Variants in CTNNA3 observed in about 807,000 individuals in gnomAD.
CTNNA3 encodes the protein catenin alpha 3.
CTNNA3 carries 76 observed loss-of-function variants against 95.7 expected under a neutral mutation model. The ratio of observed to expected loss-of-function variants is 0.79; its 90% CI spans 0.66 to 0.96. The LOEUF (loss-of-function observed/expected upper bound fraction) is 0.96. Among genes scored for constraint, CTNNA3 ranks in the 40% least tolerant of loss-of-function variants. The pLI is 0.00. For synonymous variants in CTNNA3, 431 were observed against 374.4 expected (o/e 1.15, Z -1.74); for missense variants, 1,191 against 1,089.8 (o/e 1.09, Z -1.31).
chr10:66,056,596 G>A (rs1215627029), intron 15 of CTNNA3, among the ~76,000 whole-genome samples: 1 of 152,148 alleles, frequency 6.6e-6, no homozygotes, highest in African/African-American at 2.4e-5. Flanking sequence ...AATAATTTCA[G>A]TAGGATTGAC....
chr10:67,033,992 A>C (rs929005327), intron 7 of CTNNA3, among the ~76,000 whole-genome samples: 8 of 152,250 alleles, frequency 5.3e-5, no homozygotes, highest in African/African-American at 1.4e-4. Context: ...GGCTGGTCTC[A>C]AATGCCTTAC....
At chr10:67,661,017 T>C (rs1840169626) in intron 1 of CTNNA3, among the ~76,000 whole-genome samples, 1 of 152,090 alleles carries the variant, frequency 6.6e-6, no homozygotes, top group African/African-American at 2.4e-5. Context: ...AAAATTTTTA[T>C]AACAAACTGT....
chr10:67,224,473 A>G (rs963397390), intron 5 of CTNNA3, among the ~76,000 whole-genome samples: 1 of 152,292 alleles, frequency 6.6e-6, no homozygotes. Flanking sequence ...ATGAGGGAGG[A>G]CCCACAGACC....
At chr10:66,485,351 A>G (rs1046690784) in intron 11 of CTNNA3, among the ~76,000 whole-genome samples, 1 of 152,132 alleles carries the variant, frequency 6.6e-6, no homozygotes, top group Admixed American at 6.5e-5. Flanking sequence ...AATTTTTCAC[A>G]CTTGAAAACA....
intron 11 of CTNNA3, among the ~76,000 whole-genome samples, chr10:66,508,706 T>G (rs1840550757): frequency 6.6e-6 from 1 of 152,194 alleles, no homozygotes; most frequent in African/African-American, 2.4e-5. Flanking sequence ...TTACAGTGAA[T>G]GACAGGATTT....
chr10:66,325,827 G>C (rs2132301781), intron 12 of CTNNA3, among the ~76,000 whole-genome samples: 1 of 152,112 alleles, frequency 6.6e-6, no homozygotes, highest in South Asian at 2.1e-4. Context: ...GAACTGATTA[G>C]GTAAATTGGG....
chr10:66,057,905 C>T (rs2080117862), intron 15 of CTNNA3, among the ~76,000 whole-genome samples: 1 of 151,930 alleles, frequency 6.6e-6, no homozygotes, highest in East Asian at 1.9e-4. Flanking sequence ...TGTATATTTA[C>T]CACACATATG....
intron 7 of CTNNA3, among the ~76,000 whole-genome samples, chr10:66,957,650 TAATCCAGC>T (rs1848897351): frequency 6.6e-6 from 1 of 151,564 alleles, no homozygotes. Context: ...TCAAGAAAGT[TAATCCAGC>T]AAACCTTTGC....
intron 7 of CTNNA3, among the ~76,000 whole-genome samples, chr10:66,959,066 G>T (rs992586215): frequency 6.6e-6 from 1 of 152,028 alleles, no homozygotes; most frequent in African/African-American, 2.4e-5. Context: ...GCCAAGCGCT[G>T]GTATCCACAG....
intron 5 of CTNNA3, among the ~76,000 whole-genome samples, chr10:67,344,625 T>TAA (rs1842345056): frequency 1.3e-5 from 2 of 152,122 alleles, no homozygotes; most frequent in Non-Finnish European, 2.9e-5. Flanking sequence ...TTGTTTCACC[T>TAA]TATTAGCTTA....
At chr10:67,408,022 T>C (rs1037091249) in intron 5 of CTNNA3, among the ~76,000 whole-genome samples, 7 of 152,044 alleles carry the variant, frequency 4.6e-5, no homozygotes, top group South Asian at 2.1e-4. Flanking sequence ...TACCTAGGAA[T>C]AGAGCTAACA....
chr10:67,125,928 A>G (rs912084174), intron 7 of CTNNA3, among the ~76,000 whole-genome samples: 1 of 152,184 alleles, frequency 6.6e-6, no homozygotes, highest in African/African-American at 2.4e-5. Flanking sequence ...GACATAGTAT[A>G]TTGATCCCCA....
intron 6 of CTNNA3, among the ~76,000 whole-genome samples, chr10:67,213,775 T>A (rs1296343226): frequency 6.6e-6 from 1 of 151,914 alleles, no homozygotes; most frequent in East Asian, 1.9e-4. Context: ...TAAATACATT[T>A]CTAGGTGGCC....
At chr10:66,054,828 A>C (rs769127267) in intron 15 of CTNNA3, among the ~76,000 whole-genome samples, 1 of 151,980 alleles carries the variant, frequency 6.6e-6, no homozygotes, top group Non-Finnish European at 1.5e-5. Flanking sequence ...GTTTTTCCCC[A>C]ATGTTTTCTT....
chr10:66,957,148 C>T (rs1018721067), intron 7 of CTNNA3, among the ~76,000 whole-genome samples: 1 of 151,946 alleles, frequency 6.6e-6, no homozygotes, highest in South Asian at 2.1e-4. Context: ...TATGTGAAGT[C>T]TTTAGTATAA....
intron 11 of CTNNA3, among the ~76,000 whole-genome samples, chr10:66,463,147 T>G (rs573837244): frequency 1.6e-4 from 24 of 152,306 alleles, no homozygotes; most frequent in African/African-American, 4.8e-4. Flanking sequence ...CTGAAAAATC[T>G]CTTGTTGAAA....
chr10:66,427,417 C>T (rs913422409), intron 11 of CTNNA3, among the ~76,000 whole-genome samples: 29 of 152,056 alleles, frequency 1.9e-4, no homozygotes, highest in East Asian at 5.8e-4. Flanking sequence ...AGCTTCCTTA[C>T]GGTTGGAACT....
intron 5 of CTNNA3, among the ~76,000 whole-genome samples, chr10:67,321,472 C>A (rs1383794344): frequency 3.3e-5 from 5 of 152,234 alleles, no homozygotes; most frequent in African/African-American, 1.2e-4. Context: ...GATTAAGTGC[C>A]ATCCTAGACC....
intron 13 of CTNNA3, among the ~76,000 whole-genome samples, chr10:66,208,431 C>A (rs543706424): frequency 6.6e-6 from 1 of 152,102 alleles, no homozygotes; most frequent in South Asian, 2.1e-4. Context: ...TTAACTAAAC[C>A]ATAATACAAT....
Sources: gnomAD v4.1 joint callset for allele counts (sites outside exome capture counted in the v4.1 genomes callset) on GRCh38, gnomAD v4.1.1 for gene constraint, MANE v1.5 for transcripts, NCBI Gene and HGNC (gene_info 2026-07-23, HGNC 2026-07-21) for gene names.